Variants in TNN observed in about 807,000 individuals in gnomAD.
TNN encodes tenascin N.
In TNN, 122 loss-of-function variants were observed where a neutral mutation model predicts 134.4. That is an observed-to-expected ratio of 0.91 (90% CI 0.78 to 1.06). The LOEUF is 1.06. TNN is among the 50% of genes least tolerant of loss of function. The pLI, the probability that TNN is intolerant of heterozygous loss-of-function variation, is 0.00. For missense variants in TNN, 1,739 were observed against 1,699.4 expected, an observed-to-expected ratio of 1.02 and a Z score of -0.41; for synonymous variants, 710 against 670.3, an observed-to-expected ratio of 1.06 and a Z score of -0.91.
Position 175,144,414 on chromosome 1 carries a change from G to T in TNN, c.3623G>T (p.Trp1208Leu), listed in dbSNP as rs1272818447. Residue 1208 changes from tryptophan (W) to leucine (L), a missense_variant, in exon 18 of 19, where the codon TGG becomes TTG. Coordinates refer to ENST00000239462, the MANE Select transcript of TNN (RefSeq NM_022093.2). ...AGDALTYHNG[W>L]KFTTFDRDND... ...GATGCTCTTACTTACCACAATGGAT[G>T]GAAGTTTACAACTTTTGACAGAGAC... 1 of 1,614,098 alleles carries T rather than the reference G, an allele frequency of 6.2e-7. No individual in the cohort carries two copies.
intron 6 of TNN, among the ~76,000 whole-genome samples, chr1:175,090,647 A>T (rs1440648235): frequency 1.3e-5 from 2 of 152,172 alleles, no homozygotes; most frequent in Non-Finnish European, 2.9e-5. Context: ...GATGTTCCCT[A>T]CCCAACTCTG....
At chr1:175,120,947 C>A (rs562645268) in intron 11 of TNN, among the ~76,000 whole-genome samples, 1 of 152,230 alleles carries the variant, frequency 6.6e-6, no homozygotes, top group African/African-American at 2.4e-5. Context: ...ACCATAGGCA[C>A]GTGCCACTAA....
chr1:175,077,751 G>A lies in TNN; in HGVS notation c.333G>A (p.Arg111=). 1 of 1,614,212 alleles carries A rather than the reference G, an allele frequency of 6.2e-7. No homozygotes were observed. Among genetic ancestry groups the A allele is most frequent in the Non-Finnish European group, 8.5e-7 (1 of 1,180,026 alleles). Residue 111 remains arginine (R), a synonymous_variant, in exon 2 of 19, where the codon CGG becomes CGA. Coordinates refer to ENST00000239462, the MANE Select transcript of TNN (RefSeq NM_022093.2). Reference sequence around the variant, plus strand: ...GCAGTGTCCAGGACCTCCTGGCCCGGGTGAAGAAGCTGGAGGAAGAGATGG... The same window carrying A: ...GCAGTGTCCAGGACCTCCTGGCCCGAGTGAAGAAGCTGGAGGAAGAGATGG... ...LAGSVQDLLA[R]VKKLEEEMVE...
chr1:175,131,336 C>CT (rs1221743956), intron 15 of TNN, among the ~76,000 whole-genome samples: 7 of 152,178 alleles, frequency 4.6e-5, no homozygotes, highest in Non-Finnish European at 1.0e-4. Context: ...GCAAGTTTGA[C>CT]TTTTTTTCTC....
rs142139120 is a variant in TNN at position 175,077,491 on chromosome 1, C to A, written c.73C>A (p.Pro25Thr). ...LGSVLLVASA[P>T]ATLEPPGCSN... ...CTCTGTGCTCCTGGTGGCTTCGGCC[C>A]CAGCCACTCTGGAGCCTCCCGGCTG... The change falls in exon 2 of 19, where the codon CCA becomes ACA. Residue 25 changes from proline to threonine, a missense_variant. By Grantham distance (38) the Pro-to-Thr change is conservative (BLOSUM62 -1). Transcript: ENST00000239462. The A allele has an allele frequency of 5.8e-5, 93 of 1,613,846 alleles. No individual in the cohort carries two copies. The highest frequency in any genetic ancestry group is 7.1e-5 in the Non-Finnish European group (84 of 1,180,036).
intron 18 of TNN, among the ~76,000 whole-genome samples, chr1:175,145,436 C>T (rs1676038549): frequency 6.7e-6 from 1 of 150,302 alleles, no homozygotes; most frequent in Non-Finnish European, 1.5e-5. Flanking sequence ...ACTTGTAGTC[C>T]CTGCCTCTAG....
At chr1:175,083,390 C>T (rs530100604) in intron 4 of TNN, among the ~76,000 whole-genome samples, 113 of 152,298 alleles carry the variant, frequency 7.4e-4, no homozygotes, top group Non-Finnish European at 1.3e-3. Flanking sequence ...AAGAGTGGGC[C>T]TTTAGTTCAG....
chr1:175,138,739 T>C (rs909506161), intron 17 of TNN, among the ~76,000 whole-genome samples: 2 of 152,246 alleles, frequency 1.3e-5, no homozygotes, highest in African/African-American at 2.4e-5. Flanking sequence ...AACATAGTCA[T>C]GCATTGCTTA....
At chr1:175,133,299 A>G (rs1274073940) in intron 15 of TNN, among the ~76,000 whole-genome samples, 1 of 152,232 alleles carries the variant, frequency 6.6e-6, no homozygotes, top group Non-Finnish European at 1.5e-5. Context: ...AAGGCAGTCC[A>G]CACTTTGGTG....
chr1:175,123,006 T>C (rs1459579254), intron 11 of TNN, among the ~76,000 whole-genome samples: 3 of 152,202 alleles, frequency 2.0e-5, no homozygotes, highest in Non-Finnish European at 4.4e-5. Flanking sequence ...CCTCCCCTTT[T>C]ATAAGTCGGA....
At chr1:175,126,246 C>T (rs547613163) in intron 12 of TNN, among the ~76,000 whole-genome samples, 9 of 151,766 alleles carry the variant, frequency 5.9e-5, no homozygotes, top group Admixed American at 2.6e-4. Flanking sequence ...GGATGACAGG[C>T]GACCACCACC....
intron 6 of TNN, among the ~76,000 whole-genome samples, chr1:175,091,518 A>G (rs527863746): frequency 3.8e-4 from 58 of 151,992 alleles, no homozygotes; most frequent in Non-Finnish European, 6.6e-4. Flanking sequence ...CCATGTGGAC[A>G]TGATGGATCT....
chr1:175,128,601 C>T lies in TNN; in HGVS notation c.3185C>T (p.Ala1062Val). The part of the protein sequence containing the change: ...NVSTTLSTVG[A>V]RFPHPSDCSQ... Reference sequence around the variant, plus strand: ...CTCTCTGCTTGGCTCCCAGTTGGTGCCCGTTTCCCACACCCTTCGGACTGC... The same window carrying T: ...CTCTCTGCTTGGCTCCCAGTTGGTGTCCGTTTCCCACACCCTTCGGACTGC... Residue 1062 changes from alanine (A) to valine (V), a missense_variant, in exon 15 of 19, where the codon GCC becomes GTC. Physicochemically the swap from Ala to Val is moderately conservative, Grantham distance 64. Transcript: ENST00000239462. The T allele has an allele frequency of 6.2e-7, 1 of 1,609,828 alleles. No homozygotes were observed. The highest frequency in any genetic ancestry group is 1.1e-5 in the South Asian group (1 of 90,418).
Position 175,127,090 on chromosome 1 carries a change from G to A in TNN, c.3045+5G>A, listed in dbSNP as rs755049456. The stretch of plus-strand genomic sequence containing the variant: ...TTCCCAGATGGCACAGTTAAGGTAC[G>A]GGGATTCCTTGTCTTTTCTCCTGGT... On this transcript the variant is annotated splice_donor_5th_base_variant and intron_variant, in intron 13 of 18. Coordinates refer to ENST00000239462, the MANE Select transcript of TNN (RefSeq NM_022093.2). 1.5e-5 allele frequency: 24 copies of A among 1,611,652 alleles called. No individual in the cohort carries two copies. The highest frequency in any genetic ancestry group is 1.5e-4 in the African/African-American group (11 of 74,818).
intron 9 of TNN, among the ~76,000 whole-genome samples, chr1:175,102,432 C>T (rs12088035): frequency 0.26 from 37,708 of 145,038 alleles, 8,162 homozygotes; most frequent in African/African-American, 0.31. Flanking sequence ...GCTGCAGGTC[C>T]CGAGTCCTGC....
rs138426185 is a variant in TNN, at chr1:175,143,268, G to T, written c.3596-1119G>T. Among the ~76,000 whole-genome samples the T allele has an allele frequency of 4.0e-4, 61 of 152,340 alleles. 1 individual carries two copies. Among genetic ancestry groups the T allele is most frequent in the African/African-American group, 1.4e-3 (57 of 41,576 alleles). ...CATGCGAAGAAGATCGCTAAACTTA[G>T]AGCTGAGATATAAATGTAAGAATCT... On this transcript the variant is annotated intron_variant, in intron 17 of 18. Transcript: ENST00000239462.
intron 1 of TNN, among the ~76,000 whole-genome samples, chr1:175,074,853 G>T (rs1292191900): frequency 6.6e-6 from 1 of 152,252 alleles, no homozygotes; most frequent in East Asian, 1.9e-4. Context: ...ATTTGTATCA[G>T]AATGTCATAT....
intron 6 of TNN, among the ~76,000 whole-genome samples, chr1:175,088,820 C>T (rs1391745569): frequency 1.3e-5 from 2 of 152,208 alleles, no homozygotes; most frequent in Admixed American, 6.5e-5. Context: ...CCTTTTCCTT[C>T]AGGGGATCAC....
chr1:175,097,826 A>G, intron 8 of TNN, 143 bp downstream of exon 8: 1 of 1,203,782 alleles, frequency 8.3e-7, no homozygotes, highest in Non-Finnish European at 1.1e-6. Flanking sequence ...TCTCGTGGTG[A>G]TGGCGGTGGG....
Sources: gnomAD v4.1 joint callset for allele counts (sites outside exome capture counted in the v4.1 genomes callset) on GRCh38, gnomAD v4.1.1 for gene constraint, MANE v1.5 for transcripts, NCBI Gene and HGNC (gene_info 2026-07-23, HGNC 2026-07-21) for gene names.